Variants in CASR observed in about 807,000 individuals in gnomAD.
CASR encodes extracellular calcium-sensing receptor.
A neutral mutation model predicts 69.1 loss-of-function variants in CASR; 23 were observed. That is an observed-to-expected ratio of 0.33 (90% CI 0.24 to 0.47). The LOEUF (loss-of-function observed/expected upper bound fraction) is 0.47. Ranked by LOEUF, CASR falls within the 20% of genes least tolerant of loss-of-function variation. The pLI is 1.00. For missense variants in CASR, 924 were observed against 1,356.1 expected (o/e 0.68, Z 5.00); for synonymous variants, 541 against 544.7 (o/e 0.99, Z 0.10).
chr3:122,186,998 G>T (rs749617232), intron 1 of CASR, among the ~76,000 whole-genome samples: 18 of 152,116 alleles, frequency 1.2e-4, no homozygotes, highest in Non-Finnish European at 2.5e-4. Flanking sequence ...CTGTATTCTT[G>T]CTTTATAATT....
chr3:122,248,480 G>A (rs1335523963), intron 1 of CASR, among the ~76,000 whole-genome samples: 1 of 152,154 alleles, frequency 6.6e-6, no homozygotes, highest in Non-Finnish European at 1.5e-5. Flanking sequence ...TATGATCATT[G>A]TGACGAAAGA....
chr3:122,193,885 T>A (rs567004682), intron 1 of CASR, among the ~76,000 whole-genome samples: 66 of 152,294 alleles, frequency 4.3e-4, no homozygotes, highest in African/African-American at 1.6e-3. Context: ...AAAGGAGGGT[T>A]ATTGGAAGGG....
At chr3:122,265,867 G>C (rs532233386) in intron 4 of CASR, among the ~76,000 whole-genome samples, 1 of 152,186 alleles carries the variant, frequency 6.6e-6, no homozygotes, top group Non-Finnish European at 1.5e-5. Context: ...GTCAGATGGA[G>C]CTGATCTTTC....
chr3:122,284,099 C>T lies in CASR; in HGVS notation c.2145C>T (p.His715=), dbSNP rs201242061. 36 of 1,614,052 alleles carry T rather than the reference C, an allele frequency of 2.2e-5. No individual in the cohort carries two copies. The highest frequency in any genetic ancestry group is 3.0e-5 in the Non-Finnish European group (35 of 1,180,012). Residue 715 remains histidine, a synonymous_variant, in exon 7 of 7, where the codon CAC becomes CAT. Coordinates refer to ENST00000639785, the MANE Select transcript of CASR (RefSeq NM_000388.4). The part of the protein sequence containing the change: ...VFEAKIPTSF[H]RKWWGLNLQF... ...AGGCCAAGATCCCCACCAGCTTCCACCGCAAGTGGTGGGGGCTCAACCTGC... is the reference window on the plus strand; with the variant it reads ...AGGCCAAGATCCCCACCAGCTTCCATCGCAAGTGGTGGGGGCTCAACCTGC...
intron 3 of CASR, among the ~76,000 whole-genome samples, chr3:122,258,938 C>T (rs779433704): frequency 7.9e-5 from 12 of 151,902 alleles, no homozygotes; most frequent in African/African-American, 2.4e-4. Flanking sequence ...ACTGCCCTGC[C>T]GGGTGAGGTC....
Position 122,285,606 on chromosome 3 carries a change from GC to G in CASR, c.*418del, listed in dbSNP as rs2074960953. On this transcript the variant is annotated 3_prime_UTR_variant, in exon 7 of 7. Coordinates refer to ENST00000639785, the MANE Select transcript of CASR (RefSeq NM_000388.4). The stretch of plus-strand genomic sequence containing the variant: ...TGAAAGACAGAATGTCACCAGTCCT[GC>G]CCAATGCCTTGACAACAGACTGAAT... 1 of 216,196 alleles carries G rather than the reference GC, an allele frequency of 4.6e-6. No individual in the cohort carries two copies. The highest frequency in any genetic ancestry group is 9.4e-6 in the Non-Finnish European group (1 of 106,660). The allele number at this position is 216,196 out of a possible 1,614,324, so 13.4% of individuals were successfully genotyped here. A position where few individuals can be genotyped will look rare whatever the true frequency, so the allele number is the denominator to read the frequency against.
chr3:122,205,698 G>A (rs1363119940), intron 1 of CASR, among the ~76,000 whole-genome samples: 2 of 151,900 alleles, frequency 1.3e-5, no homozygotes, highest in Non-Finnish European at 1.5e-5. Context: ...TAATCCATGA[G>A]CATGGAATAG....
At position 122,284,611 on chromosome 3, in the gene CASR, G is replaced by A. The variant is rs1057520791; in HGVS notation, c.2657G>A (p.Arg886Gln). 9.9e-6 allele frequency: 16 copies of A among 1,614,100 alleles called. No individual in the cohort carries two copies. Among genetic ancestry groups the A allele is most frequent in the Non-Finnish European group, 1.3e-5 (15 of 1,180,018 alleles). The change falls in exon 7 of 7, where the codon CGG becomes CAG. Residue 886 changes from arginine (R) to glutamine (Q), a missense_variant. Coordinates refer to ENST00000639785, the MANE Select transcript of CASR (RefSeq NM_000388.4). The stretch of plus-strand genomic sequence containing the variant: ...GCTCACGCTTTCAAGGTGGCTGCCC[G>A]GGCCACGCTGCGCCGCAGCAACGTC... ...TAAHAFKVAA[R>Q]ATLRRSNVSR...
intron 1 of CASR, among the ~76,000 whole-genome samples, chr3:122,225,093 A>G (rs141105393): frequency 1.3e-3 from 203 of 152,352 alleles, no homozygotes; most frequent in African/African-American, 4.7e-3. Context: ...CTTAAATATA[A>G]GACCTAAAAC....
chr3:122,187,530 G>A (rs776111279), intron 1 of CASR, among the ~76,000 whole-genome samples: 2 of 152,204 alleles, frequency 1.3e-5, no homozygotes, highest in African/African-American at 4.8e-5. Context: ...GCTCATCCAT[G>A]TGCAGGTAGT....
chr3:122,276,194 G>A, intron 5 of CASR, 152 bp downstream of exon 5: 1 of 689,154 alleles, frequency 1.5e-6, no homozygotes, highest in South Asian at 1.6e-5. Flanking sequence ...GGGGCTCCCT[G>A]TGAAATCCAC....
At chr3:122,278,614 C>T (rs3845919) in intron 5 of CASR, among the ~76,000 whole-genome samples, 148,329 of 152,314 alleles carry the variant, frequency 0.97, 72,374 homozygotes, top group East Asian at 1. Context: ...TGGATCTTTC[C>T]GGTGGCTACC....
intron 1 of CASR, among the ~76,000 whole-genome samples, chr3:122,252,065 G>T (rs1169331847): frequency 3.3e-5 from 5 of 152,104 alleles, no homozygotes; most frequent in Non-Finnish European, 7.4e-5. Flanking sequence ...AGGCCAAGGT[G>T]GGAGGATCAC....
At chr3:122,282,597 C>T (rs569523327) in intron 6 of CASR, among the ~76,000 whole-genome samples, 2 of 152,288 alleles carry the variant, frequency 1.3e-5, no homozygotes, top group South Asian at 2.1e-4. Context: ...GTGCCTGGCA[C>T]TGAATTTGCT....
chr3:122,228,709 G>A (rs1426917664), intron 1 of CASR, among the ~76,000 whole-genome samples: 1 of 152,200 alleles, frequency 6.6e-6, no homozygotes, highest in Admixed American at 6.5e-5. Flanking sequence ...ACATGTGTTA[G>A]TACAACAACC....
At chr3:122,184,786 G>T (rs2073761460) in intron 1 of CASR, among the ~76,000 whole-genome samples, 1 of 152,222 alleles carries the variant, frequency 6.6e-6, no homozygotes, top group Admixed American at 6.5e-5. Flanking sequence ...GAACGGGAGC[G>T]CGCACCAAAA....
At chr3:122,206,724 AG>A (rs1284542675) in intron 1 of CASR, among the ~76,000 whole-genome samples, 3 of 151,996 alleles carry the variant, frequency 2.0e-5, no homozygotes, top group Non-Finnish European at 2.9e-5. Flanking sequence ...CTTTGATGAG[AG>A]ACTTTTATTA....
intron 1 of CASR, among the ~76,000 whole-genome samples, chr3:122,251,011 A>T (rs1250382783): frequency 1.3e-5 from 2 of 152,150 alleles, no homozygotes; most frequent in East Asian, 1.9e-4. Context: ...GGTCCAAGGA[A>T]TGAGGCCAAA....
chr3:122,229,856 A>T (rs1404839947), intron 1 of CASR, among the ~76,000 whole-genome samples: 1 of 152,060 alleles, frequency 6.6e-6, no homozygotes, highest in Non-Finnish European at 1.5e-5. Flanking sequence ...ACAGAGTGAG[A>T]CTCTGTTTTA....
Sources: allele counts gnomAD v4.1 joint callset (sites outside exome capture counted in the v4.1 genomes callset), GRCh38; gene constraint gnomAD v4.1.1; transcripts MANE v1.5; gene names NCBI Gene and HGNC (gene_info 2026-07-23, HGNC 2026-07-21).